Variants in FBXO34 observed in about 807,000 individuals in gnomAD.
FBXO34 encodes F-box only protein 34.
In FBXO34, 12 loss-of-function variants were observed where a neutral mutation model predicts 24.5. That is an observed-to-expected ratio of 0.49 (90% CI 0.31 to 0.79). The LOEUF (loss-of-function observed/expected upper bound fraction) is 0.79, where lower values mean the gene tolerates loss of function less well. FBXO34 is among the 30% of genes least tolerant of loss of function. FBXO34 has a pLI of 0.04. For missense variants in FBXO34, 823 were observed against 857.7 expected, an observed-to-expected ratio of 0.96 and a Z score of 0.51; for synonymous variants, 320 against 311.9, an observed-to-expected ratio of 1.03 and a Z score of -0.27.
chr14:55,421,168 AATTTGCACTTTTAATAAGATTT>A, the FBXO34 span, among the ~76,000 whole-genome samples: 2 of 152,150 alleles, frequency 1.3e-5, no homozygotes, highest in Non-Finnish European at 2.9e-5. Flanking sequence ...TGTATTTGGC[AATTTGCACTTTTAATAAGATTT>A]ATTTGTAATG....
chr14:55,395,186 C>T, the FBXO34 span: 19 of 438,346 alleles, frequency 4.3e-5, no homozygotes, highest in East Asian at 4.8e-4. Context: ...TCCTCTTGGG[C>T]TCTTCCTCTG....
At chr14:55,340,704 G>T (rs1883962677) in intron 1 of FBXO34, among the ~76,000 whole-genome samples, 1 of 152,204 alleles carries the variant, frequency 6.6e-6, no homozygotes, top group Non-Finnish European at 1.5e-5. Flanking sequence ...GGATTTGTGT[G>T]TGTGGTGGCA....
At chr14:55,274,611 AG>A (rs367722838) in intron 1 of FBXO34, among the ~76,000 whole-genome samples, 132 of 152,330 alleles carry the variant, frequency 8.7e-4, no homozygotes, top group African/African-American at 3.0e-3. Context: ...TGTCAAGATG[AG>A]AGTGCTGTAT....
chr14:55,395,739 T>C, the FBXO34 span, among the ~76,000 whole-genome samples: 216 of 152,342 alleles, frequency 1.4e-3, no homozygotes, highest in Middle Eastern at 3.4e-3. Context: ...ATAATTATCC[T>C]TTACAATGGC....
the FBXO34 span, chr14:55,385,816 G>A: frequency 1.4e-6 from 2 of 1,480,984 alleles, no homozygotes; most frequent in Non-Finnish European, 1.8e-6. Context: ...AAAGTATTTG[G>A]AACTTGATCT....
chr14:55,298,802 C>T, intron 1 of FBXO34: 1 of 1,610,702 alleles, frequency 6.2e-7, no homozygotes, highest in Non-Finnish European at 8.5e-7. Context: ...AGCCCGCGGC[C>T]CTCCAGGCAC....
At chr14:55,312,646 C>T (rs1042646323) in intron 1 of FBXO34, among the ~76,000 whole-genome samples, 5 of 152,218 alleles carry the variant, frequency 3.3e-5, no homozygotes, top group South Asian at 4.1e-4. Context: ...TCTTGACTTT[C>T]GTGCACCTGC....
chr14:55,285,048 A>C (rs1468919641), intron 1 of FBXO34, among the ~76,000 whole-genome samples: 1 of 150,102 alleles, frequency 6.7e-6, no homozygotes, highest in African/African-American at 2.4e-5. Flanking sequence ...AAAAAAAAAA[A>C]AACTGCAAAG....
intron 1 of FBXO34, 136 bp from the exon 2 acceptor site, chr14:55,350,245 G>A: frequency 1.8e-6 from 1 of 555,034 alleles, no homozygotes; most frequent in Non-Finnish European, 3.0e-6. Flanking sequence ...TATCATGAGA[G>A]AGTTGGTAAA....
the FBXO34 span, among the ~76,000 whole-genome samples, chr14:55,416,805 C>T: frequency 6.6e-6 from 1 of 152,178 alleles, no homozygotes; most frequent in Admixed American, 6.5e-5. Flanking sequence ...CACACACATG[C>T]CCCTCTCCCA....
intron 1 of FBXO34, among the ~76,000 whole-genome samples, chr14:55,273,333 C>G (rs544603642): frequency 5.3e-5 from 8 of 152,248 alleles, no homozygotes; most frequent in South Asian, 2.1e-4. Flanking sequence ...CCGTTAGGTA[C>G]TATTGGATTT....
At chr14:55,316,749 A>T (rs1175258013) in intron 1 of FBXO34, among the ~76,000 whole-genome samples, 3 of 151,718 alleles carry the variant, frequency 2.0e-5, no homozygotes, top group Admixed American at 1.3e-4. Flanking sequence ...CCATAAAAGA[A>T]TTTCAAGACG....
At chr14:55,420,512 T>C in the FBXO34 span, among the ~76,000 whole-genome samples, 1 of 125,058 alleles carries the variant, frequency 8.0e-6, no homozygotes, top group Admixed American at 7.5e-5. Flanking sequence ...CGCCAAGAGA[T>C]GATAATTATT....
the FBXO34 span, among the ~76,000 whole-genome samples, chr14:55,417,438 A>C: frequency 1.4e-5 from 2 of 140,634 alleles, no homozygotes; most frequent in Non-Finnish European, 3.0e-5. Context: ...GGCTCCAATG[A>C]GATGACCCTT....
At chr14:55,321,414 T>C (rs1180953890) in intron 1 of FBXO34, among the ~76,000 whole-genome samples, 1 of 152,006 alleles carries the variant, frequency 6.6e-6, no homozygotes, top group Non-Finnish European at 1.5e-5. Context: ...ATGTTTCTTT[T>C]TTTTTTTTTG....
intron 1 of FBXO34, chr14:55,335,431 TAAAAC>T (rs1381133588): frequency 1.3e-5 from 2 of 152,216 alleles, no homozygotes; most frequent in African/African-American, 4.8e-5. Context: ...ACATTTCTGT[TAAAAC>T]AAACTTCTGA....
At chr14:55,375,910 G>C in the FBXO34 span, among the ~76,000 whole-genome samples, 2 of 152,098 alleles carry the variant, frequency 1.3e-5, no homozygotes, top group Admixed American at 6.5e-5. Context: ...TTTCCTTGTA[G>C]GTTTATGATA....
chr14:55,394,070 A>G, the FBXO34 span, among the ~76,000 whole-genome samples: 83,096 of 149,300 alleles, frequency 0.56, 26,038 homozygotes, highest in African/African-American at 0.87. Flanking sequence ...ACAGTGGCGC[A>G]ATCTCGGCTC....
the FBXO34 span, among the ~76,000 whole-genome samples, chr14:55,384,940 C>T: frequency 1.3e-5 from 2 of 152,166 alleles, no homozygotes; most frequent in African/African-American, 4.8e-5. Context: ...CCTCTGGAAC[C>T]TCTATTTCTC....
Sources: gnomAD v4.1 joint callset for allele counts (sites outside exome capture counted in the v4.1 genomes callset) on GRCh38, gnomAD v4.1.1 for gene constraint, MANE v1.5 for transcripts, NCBI Gene and HGNC (gene_info 2026-07-23, HGNC 2026-07-21) for gene names.